ABCA7: variants seen among roughly 807,000 people sequenced by gnomAD.
ABCA7 encodes the protein phospholipid-transporting ATPase ABCA7.
Under a neutral mutation model 227.6 loss-of-function variants are expected in ABCA7, and 261 were observed. The ratio of observed to expected loss-of-function variants is 1.15; its 90% CI spans 1.04 to 1.27. The LOEUF (loss-of-function observed/expected upper bound fraction) is 1.27, where lower values mean the gene tolerates loss of function less well. ABCA7 is among the 50% of genes most tolerant of loss of function. The pLI is 0.00. For synonymous variants in ABCA7, 1,488 were observed against 1,279.7 expected (o/e 1.16, Z -3.47); for missense variants, 3,331 against 2,924.5 (o/e 1.14, Z -3.21).
chr19:1,055,636 G>C (rs1246147232), intron 30 of ABCA7, among the ~76,000 whole-genome samples: 1 of 151,322 alleles, frequency 6.6e-6, no homozygotes, highest in Non-Finnish European at 1.5e-5. Context: ...CCGAGTAGCT[G>C]GGATTACAGG....
chr19:1,058,085 G>C, intron 36 of ABCA7, 26 bp downstream of exon 36: 1 of 1,613,984 alleles, frequency 6.2e-7, no homozygotes, highest in South Asian at 1.1e-5. Flanking sequence ...GCTGGGGCTT[G>C]GGCTGGGTTG....
rs201967707 is a variant in ABCA7, at chr19:1,051,151, G to A, written c.2685-4G>A. On this transcript the variant is annotated splice_polypyrimidine_tract_variant and splice_region_variant and intron_variant, in intron 19 of 46. Coordinates refer to ENST00000263094, the MANE Select transcript of ABCA7 (RefSeq NM_019112.4). ...GGTCACTCTGCTCTGTGCACTGGCCGCAGGCTGACCGTGGACGAGCACGTC... is the reference window on the plus strand; with the variant it reads ...GGTCACTCTGCTCTGTGCACTGGCCACAGGCTGACCGTGGACGAGCACGTC... 40 of 1,611,044 alleles carry A rather than the reference G, an allele frequency of 2.5e-5. No homozygotes were observed. The highest frequency in any genetic ancestry group is 3.1e-5 in the Non-Finnish European group (36 of 1,179,922).
intron 11 of ABCA7, 59 bp from the exon 12 acceptor site, chr19:1,044,943 G>T: frequency 6.3e-7 from 1 of 1,579,118 alleles, no homozygotes. Flanking sequence ...GGGGAGGAGC[G>T]GAGTGGTCTA....
Position 1,041,228 on chromosome 19 carries a change from T to G in ABCA7, c.-134T>G. 3 of 927,746 alleles carry G rather than the reference T, an allele frequency of 3.2e-6. No individual in the cohort carries two copies. The highest frequency in any genetic ancestry group is 5.2e-6 in the Non-Finnish European group (3 of 574,248). The allele number at this position is 927,746 out of a possible 1,614,324, so 57.5% of individuals were successfully genotyped here. On this transcript the variant is annotated 5_prime_UTR_variant, in exon 2 of 47. Coordinates refer to ENST00000263094, the MANE Select transcript of ABCA7 (RefSeq NM_019112.4). Reference sequence around the variant, plus strand: ...CTGTTTGCCTCGCTCTAATCAGAGCTTCCAGGAACCCTGCGCTGTGGGATA... The same window carrying G: ...CTGTTTGCCTCGCTCTAATCAGAGCGTCCAGGAACCCTGCGCTGTGGGATA...
rs1046204738 is a variant in ABCA7, at chr19:1,058,400, G to C, written c.5149+131G>C. 3.5e-6 allele frequency: 5 copies of C among 1,446,406 alleles called. No individual in the cohort carries two copies. The East Asian group carries it at 1.2e-4, about 35-fold the overall frequency. 89.6% of individuals were successfully genotyped at this position (1,446,406 alleles called of 1,614,324 possible). A position where few individuals can be genotyped will look rare whatever the true frequency, so the allele number is the denominator to read the frequency against. On this transcript the variant is annotated intron_variant, in intron 37 of 46. Coordinates refer to ENST00000263094, the MANE Select transcript of ABCA7 (RefSeq NM_019112.4). ...GCCAGGGTTCTTAGGTGGCCCTAAG[G>C]TTGGGCCAAGTTGGAGGTACAAGAA...
intron 12 of ABCA7, chr19:1,045,465 T>C: frequency 1.8e-6 from 1 of 561,378 alleles, no homozygotes; most frequent in South Asian, 2.2e-5. Context: ...TGAGAGCAGG[T>C]ATAGGTTGAG....
intron 40 of ABCA7, among the ~76,000 whole-genome samples, chr19:1,060,080 G>C (rs1341640000): frequency 6.6e-6 from 1 of 152,050 alleles, no homozygotes; most frequent in Non-Finnish European, 1.5e-5. Flanking sequence ...CTTTGTACCA[G>C]TTCACATTCA....
chr19:1,054,310 CCCGCCGCAG>C lies in ABCA7; in HGVS notation c.3703_3711del (p.Ser1235_Arg1237del), dbSNP rs762962325. The C allele has an allele frequency of 1.0e-5, 16 of 1,602,822 alleles. No individual in the cohort carries two copies. The highest frequency in any genetic ancestry group is 5.0e-5 in the Admixed American group (3 of 59,852). On this transcript the variant is annotated inframe_deletion, in exon 27 of 47. Transcript: ENST00000263094. This position sits in a 1 kb window ranked among gnomAD's most constrained non-coding sequence, Gnocchi z 4.8. The stretch of plus-strand genomic sequence containing the variant: ...CTGCTTCTCAAGCGCTTTCTGCTTG[CCCGCCGCAG>C]CCGCCGCGGCCTGTTCGCCCAGGTG...
rs748994213 is a variant in ABCA7 at position 1,065,252 on chromosome 19, T to C, written c.6286-18T>C. ...GGCTGACCGTCCCTCTTGTCCCCTC[T>C]GGGCTGCCCACCGCTAGGTATTCTT... is the stretch of plus-strand genomic sequence containing the variant. On this transcript the variant is annotated intron_variant, in intron 46 of 46. Coordinates refer to ENST00000263094, the MANE Select transcript of ABCA7 (RefSeq NM_019112.4). 2 of 1,612,522 alleles carry C rather than the reference T, an allele frequency of 1.2e-6. No individual in the cohort carries two copies. The highest frequency in any genetic ancestry group is 3.3e-5 in the Admixed American group (2 of 59,980).
At chr19:1,049,466 A>G in intron 18 of ABCA7, 29 bp downstream of exon 18, 2 of 1,135,466 alleles carry the variant, frequency 1.8e-6, no homozygotes, top group Non-Finnish European at 2.2e-6. Flanking sequence ...CCTCCCCGTG[A>G]GCCCCCCCAC....
chr19:1,041,923 C>A lies in ABCA7; in HGVS notation c.253C>A (p.Leu85Met), dbSNP rs146597357. 277 of 1,599,684 alleles carry A rather than the reference C, an allele frequency of 1.7e-4. No individual in the cohort carries two copies. In the African/African-American group the frequency reaches 2.8e-3, roughly 16 times the overall value. ...CNVNNTCFPQLTPGEEPGRLS... is the reference protein window; with the variant it reads ...CNVNNTCFPQMTPGEEPGRLS... ...TGTGAACAACACCTGCTTTCCGCAGCTGACACCGGGCGAGGAGCCCGGGCG... is the reference window on the plus strand; with the variant it reads ...TGTGAACAACACCTGCTTTCCGCAGATGACACCGGGCGAGGAGCCCGGGCG... Residue 85 changes from leucine (L) to methionine (M), a missense_variant, in exon 4 of 47, where the codon CTG becomes ATG. Transcript: ENST00000263094.
At chr19:1,050,029 C>T (rs921596810) in intron 18 of ABCA7, among the ~76,000 whole-genome samples, 1 of 142,016 alleles carries the variant, frequency 7.0e-6, no homozygotes, top group Non-Finnish European at 1.5e-5. Flanking sequence ...TCCCTGTGAG[C>T]TCCCTGTGAG....
At chr19:1,043,533 C>G in intron 9 of ABCA7, 60 bp downstream of exon 9, 1 of 1,611,700 alleles carries the variant, frequency 6.2e-7, no homozygotes, top group Non-Finnish European at 8.5e-7. Context: ...CCAGTACCCT[C>G]AGTCCAGGTG....
chr19:1,049,184 G>C, intron 17 of ABCA7, 82 bp from the exon 18 acceptor site: 17 of 1,481,344 alleles, frequency 1.1e-5, no homozygotes, highest in Non-Finnish European at 1.5e-5. Flanking sequence ...GCAGGTCCCG[G>C]ATTCCACAGC....
At chr19:1,055,065 G>A (rs527876975) in intron 29 of ABCA7, 32 bp from the exon 30 acceptor site, 35 of 1,591,520 alleles carry the variant, frequency 2.2e-5, no homozygotes, top group South Asian at 1.0e-4. Context: ...ACCCTGCAGC[G>A]CCCTTGAGTG....
At position 1,047,449 on chromosome 19, in the gene ABCA7, G is replaced by A. The variant is rs114260315; in HGVS notation, c.2068-4G>A. ...CCGCTCACTGACCGCCCGCTTTTCCGCAGAGCCTGCTGTCGCCCGTGGCCT... is the reference window on the plus strand; with the variant it reads ...CCGCTCACTGACCGCCCGCTTTTCCACAGAGCCTGCTGTCGCCCGTGGCCT... On this transcript the variant is annotated splice_polypyrimidine_tract_variant and splice_region_variant and intron_variant, in intron 15 of 46. Coordinates refer to ENST00000263094, the MANE Select transcript of ABCA7 (RefSeq NM_019112.4). 6.0e-3 allele frequency: 9,284 copies of A among 1,541,586 alleles called. 470 individuals are homozygous for A. The African/African-American group carries it at 0.11, about 18-fold the overall frequency.
Position 1,049,332 on chromosome 19 carries a change from T to C in ABCA7, c.2447T>C (p.Phe816Ser). 1 of 1,610,878 alleles carries C rather than the reference T, an allele frequency of 6.2e-7. No homozygotes were observed. Among genetic ancestry groups the C allele is most frequent in the Non-Finnish European group, 8.5e-7 (1 of 1,178,888 alleles). Residue 816 changes from phenylalanine to serine, a missense_variant, in exon 18 of 47, where the codon TTT (phenylalanine) becomes TCT (serine). Physicochemically the swap from Phe to Ser is radical, Grantham distance 155. Transcript: ENST00000263094. ...GVSVRSLEKRFPGSPQPALRG... is the reference protein window; with the variant it reads ...GVSVRSLEKRSPGSPQPALRG... Reference sequence around the variant, plus strand: ...TCCGTTCGCAGCCTGGAGAAGCGCTTTCCTGGAAGCCCGCAGCCAGCCCTG... The same window carrying C: ...TCCGTTCGCAGCCTGGAGAAGCGCTCTCCTGGAAGCCCGCAGCCAGCCCTG...
chr19:1,058,732 G>A lies in ABCA7; in HGVS notation c.5264G>A (p.Ser1755Asn). The change falls in exon 38 of 47, where the codon AGC becomes AAC. Residue 1755 changes from serine to asparagine, a missense_variant. Ser to Asn is a conservative substitution (Grantham distance 46, BLOSUM62 1). Transcript: ENST00000263094. The stretch of plus-strand genomic sequence containing the variant: ...TTCACACTACTGCTGCAGCACCGAA[G>A]CCAACTCCTGCCACAGTTAGTGAGG... ...LLFTLLLQHR[S>N]QLLPQPRVRS... 6.2e-7 allele frequency: 1 copy of A among 1,613,782 alleles called. No homozygotes were observed. The highest frequency in any genetic ancestry group is 1.1e-5 in the South Asian group (1 of 91,066).
Position 1,045,054 on chromosome 19 carries a change from C to A in ABCA7, c.1268C>A (p.Ser423Ter). The A allele has an allele frequency of 6.2e-7, 1 of 1,612,850 alleles. No homozygotes were observed. The highest frequency in any genetic ancestry group is 8.5e-7 in the Non-Finnish European group (1 of 1,179,986). Residue 423 changes from serine (S) to a stop codon, truncating the protein, a stop_gained, in exon 12 of 47, where the codon TCG (serine) becomes TAG (stop). Transcript: ENST00000263094. LOFTEE classifies it high-confidence loss of function. ...GCACCCTCAGAGGCAGCCCTGGTGT[C>A]GCGGGCCCTGCAACTGCTCGCGGAA... ...EAAPSEAALV[S>*]RALQLLAEHR...
Sources: gnomAD v4.1 joint callset for allele counts (sites outside exome capture counted in the v4.1 genomes callset) on GRCh38, gnomAD v4.1.1 for gene constraint, Gnocchi (gnomAD v3.1) non-coding constraint, MANE v1.5 for transcripts, NCBI Gene and HGNC (gene_info 2026-07-23, HGNC 2026-07-21) for gene names.